Variants in SPAG16 observed in about 807,000 individuals in gnomAD.
SPAG16 encodes the protein sperm associated antigen 16.
SPAG16 carries 86 observed loss-of-function variants against 80.4 expected under a neutral mutation model. That is an observed-to-expected ratio of 1.07 (90% CI 0.90 to 1.28). SPAG16 has a LOEUF of 1.28. Ranked by LOEUF, SPAG16 falls within the 50% of genes most tolerant of loss-of-function variation. The pLI is 0.00. For synonymous variants in SPAG16, 294 were observed against 265.9 expected (o/e 1.11, Z -1.03); for missense variants, 870 against 765.3 (o/e 1.14, Z -1.61).
At chr2:213,800,067 G>A (rs2071287635) in intron 10 of SPAG16, among the ~76,000 whole-genome samples, 1 of 151,714 alleles carries the variant, frequency 6.6e-6, no homozygotes, top group African/African-American at 2.4e-5. Context: ...TTATGATGTT[G>A]ACAGAATACT....
rs1260129965 is a variant in SPAG16, at chr2:214,409,912, T to C, written c.1721-228T>C. Among the ~76,000 whole-genome samples, 8 of 152,218 alleles carry C rather than the reference T, an allele frequency of 5.3e-5. No individual in the cohort carries two copies. In the East Asian group the frequency reaches 1.2e-3, roughly 22 times the overall value. Reference sequence around the variant, plus strand: ...ATCTGCATATAAAGGAGGTAGACCATTAGGCTCTATGTCCCAATTAGAAAA... The same window carrying C: ...ATCTGCATATAAAGGAGGTAGACCACTAGGCTCTATGTCCCAATTAGAAAA... On this transcript the variant is annotated intron_variant, in intron 15 of 15. Coordinates refer to ENST00000331683, the MANE Select transcript of SPAG16 (RefSeq NM_024532.5).
intron 9 of SPAG16, among the ~76,000 whole-genome samples, chr2:213,393,365 C>A (rs2067867947): frequency 1.3e-5 from 2 of 151,066 alleles, no homozygotes. Context: ...AAATATATCA[C>A]ATATATTTGA....
rs575054475 is a variant in SPAG16 at position 214,234,782 on chromosome 2, T to C, written c.1720+85516T>C. ...CAAACTTTTGTTGAGCAAAACACTG[T>C]GGTCATGAATAAGGAAAAGGGTTTT... On this transcript the variant is annotated intron_variant, in intron 15 of 15. Transcript: ENST00000331683. Among the ~76,000 whole-genome samples the C allele has an allele frequency of 1.9e-4, 29 of 152,172 alleles. 1 individual carries two copies. The highest frequency in any genetic ancestry group is 6.3e-4 in the African/African-American group (26 of 41,542).
intron 9 of SPAG16, among the ~76,000 whole-genome samples, chr2:213,392,825 G>C (rs1270678884): frequency 6.6e-6 from 1 of 151,530 alleles, no homozygotes. Flanking sequence ...CATCCTGGGT[G>C]ATGGAGCGAG....
chr2:214,284,416 C>T (rs1448207027), intron 15 of SPAG16, among the ~76,000 whole-genome samples: 1 of 152,164 alleles, frequency 6.6e-6, no homozygotes, highest in Non-Finnish European at 1.5e-5. Flanking sequence ...TAGTATTTCT[C>T]CTTTTGGTTA....
At chr2:213,896,592 GCACA>G (rs372673398) in intron 11 of SPAG16, among the ~76,000 whole-genome samples, 3 of 111,878 alleles carry the variant, frequency 2.7e-5, no homozygotes, top group African/African-American at 1.0e-4. Context: ...ACACACACAC[GCACA>G]CACACACACA....
chr2:213,533,218 T>C (rs2076131061), intron 10 of SPAG16, among the ~76,000 whole-genome samples: 1 of 152,206 alleles, frequency 6.6e-6, no homozygotes, highest in South Asian at 2.1e-4. Context: ...AATTCATATA[T>C]GTGTGTATGT....
chr2:214,030,515 T>C (rs2048353647), intron 13 of SPAG16, among the ~76,000 whole-genome samples: 1 of 152,220 alleles, frequency 6.6e-6, no homozygotes, highest in Admixed American at 6.5e-5. Context: ...ATATTTTATG[T>C]ATATGGTATA....
intron 12 of SPAG16, among the ~76,000 whole-genome samples, chr2:214,006,435 G>T (rs146455605): frequency 0.01 from 1,523 of 152,228 alleles, 28 homozygotes; most frequent in African/African-American, 0.035. Context: ...CAAGTTGAAA[G>T]TTTAGAGAAA....
In SPAG16 at chr2:213,913,948, C is replaced by A. The variant is rs139541447; in HGVS notation, c.1215-16012C>A. On this transcript the variant is annotated intron_variant, in intron 11 of 15. Coordinates refer to ENST00000331683, the MANE Select transcript of SPAG16 (RefSeq NM_024532.5). ...TTCAACTGATTGGAAGAAGCCCACT[C>A]ATGTTGTAGAGAATAATCAGCTTTA... Among the ~76,000 whole-genome samples, 491 of 152,170 alleles carry A rather than the reference C, an allele frequency of 3.2e-3. 1 individual carries two copies. The highest frequency in any genetic ancestry group is 4.3e-3 in the Non-Finnish European group (295 of 68,020).
At chr2:213,666,867 G>A (rs911671251) in intron 10 of SPAG16, among the ~76,000 whole-genome samples, 1 of 152,116 alleles carries the variant, frequency 6.6e-6, no homozygotes, top group East Asian at 1.9e-4. Context: ...TAAGAGAGTA[G>A]CAATTCTAAA....
chr2:213,762,757 G>A (rs1029937100), intron 10 of SPAG16, among the ~76,000 whole-genome samples: 7 of 152,096 alleles, frequency 4.6e-5, no homozygotes, highest in Non-Finnish European at 8.8e-5. Context: ...CAAAAGCGTA[G>A]GCAACAAAGG....
intron 15 of SPAG16, among the ~76,000 whole-genome samples, chr2:214,177,840 C>G (rs927145746): frequency 7.1e-5 from 10 of 141,292 alleles, no homozygotes; most frequent in Admixed American, 1.4e-4. Context: ...TTTTATATGT[C>G]TTAATTATGG....
At chr2:213,895,222 A>G (rs1020757083) in intron 11 of SPAG16, among the ~76,000 whole-genome samples, 2 of 151,946 alleles carry the variant, frequency 1.3e-5, no homozygotes, top group African/African-American at 4.8e-5. Context: ...AATAAGTTAA[A>G]TGTCTGTACA....
intron 10 of SPAG16, among the ~76,000 whole-genome samples, chr2:213,670,014 T>G (rs1426248577): frequency 6.6e-6 from 1 of 151,848 alleles, no homozygotes; most frequent in Non-Finnish European, 1.5e-5. Context: ...TTTTTTTTTT[T>G]GAGACAAGAG....
chr2:213,891,480 T>C (rs1033482078), intron 11 of SPAG16, among the ~76,000 whole-genome samples: 9 of 152,118 alleles, frequency 5.9e-5, no homozygotes, highest in Non-Finnish European at 1.0e-4. Context: ...CAGTTGTCAG[T>C]AGAGATCATT....
chr2:213,862,309 C>A (rs185231838), intron 10 of SPAG16, among the ~76,000 whole-genome samples, 176 bp from the exon 11 acceptor site: 1 of 152,292 alleles, frequency 6.6e-6, no homozygotes, highest in East Asian at 1.9e-4. Flanking sequence ...CAGAAAGCTA[C>A]TAGTGTTAGA....
chr2:214,243,788 A>G (rs1689653567), intron 15 of SPAG16, among the ~76,000 whole-genome samples: 2 of 152,186 alleles, frequency 1.3e-5, no homozygotes, highest in South Asian at 4.1e-4. Context: ...ATCAAACAAT[A>G]TAGAGTTTGG....
At chr2:213,586,522 C>T (rs138756361) in intron 10 of SPAG16, among the ~76,000 whole-genome samples, 121 of 152,306 alleles carry the variant, frequency 7.9e-4, no homozygotes, top group African/African-American at 2.8e-3. Context: ...CAGACCACAG[C>T]GTTTCACCCC....
Sources: allele counts gnomAD v4.1 joint callset (sites outside exome capture counted in the v4.1 genomes callset), GRCh38; gene constraint gnomAD v4.1.1; transcripts MANE v1.5; gene names NCBI Gene and HGNC (gene_info 2026-07-23, HGNC 2026-07-21).